PRKCE: variants seen among roughly 807,000 people sequenced by gnomAD.
PRKCE encodes the protein protein kinase C epsilon.
In PRKCE, 16 loss-of-function variants were observed where a neutral mutation model predicts 85.4. The ratio of observed to expected loss-of-function variants is 0.19; its 90% confidence interval spans 0.13 to 0.28. PRKCE has a LOEUF of 0.28. PRKCE is among the 10% of genes least tolerant of loss of function. The probability of loss-of-function intolerance (pLI) is 1.00; values close to 1 mark genes in which losing one functional copy is unlikely to be tolerated. For synonymous variants in PRKCE, 388 were observed against 371.5 expected (o/e 1.04, Z -0.51); for missense variants, 573 against 975.2 (o/e 0.59, Z 5.49).
chr2:45,678,840 T>A (rs1212736835), intron 1 of PRKCE, among the ~76,000 whole-genome samples: 1 of 152,202 alleles, frequency 6.6e-6, no homozygotes, highest in Non-Finnish European at 1.5e-5. Flanking sequence ...AATGAAGAGA[T>A]ACATACTCAT....
chr2:46,155,232 C>G lies in PRKCE; in HGVS notation c.1920+4003C>G, dbSNP rs966161067. On this transcript the variant is annotated intron_variant, in intron 13 of 14. Transcript: ENST00000306156. This position sits in a 1 kb window ranked among gnomAD's most constrained non-coding sequence, Gnocchi z 4.7. Reference sequence around the variant, plus strand: ...ATCTCGAAACATTAAATGATTATAACTAGTTCAATTAAATGATTACAACTA... The same window carrying G: ...ATCTCGAAACATTAAATGATTATAAGTAGTTCAATTAAATGATTACAACTA... Among the ~76,000 whole-genome samples the G allele has an allele frequency of 2.6e-5, 4 of 152,140 alleles. No individual in the cohort carries two copies. Among genetic ancestry groups the G allele is most frequent in the African/African-American group, 9.7e-5 (4 of 41,410 alleles).
At chr2:45,919,651 A>G (rs1698104091) in intron 2 of PRKCE, among the ~76,000 whole-genome samples, 1 of 152,252 alleles carries the variant, frequency 6.6e-6, no homozygotes, top group Admixed American at 6.5e-5. Flanking sequence ...TGAAGAGGAC[A>G]TCCCAACAGA....
intron 2 of PRKCE, among the ~76,000 whole-genome samples, chr2:45,876,196 A>T (rs1694466577): frequency 6.6e-6 from 1 of 152,188 alleles, no homozygotes; most frequent in Non-Finnish European, 1.5e-5. Context: ...ATCTTGCCTA[A>T]GTGGTTTTAA....
At chr2:45,794,222 C>T (rs543286582) in intron 1 of PRKCE, among the ~76,000 whole-genome samples, 4 of 151,984 alleles carry the variant, frequency 2.6e-5, no homozygotes, top group African/African-American at 9.7e-5. Flanking sequence ...TCTCGGATAT[C>T]GACGTTTTAA....
chr2:45,655,699 T>C (rs1225413813), intron 1 of PRKCE, among the ~76,000 whole-genome samples: 1 of 151,580 alleles, frequency 6.6e-6, no homozygotes, highest in Admixed American at 6.6e-5. Context: ...GGACCTGCGG[T>C]GTGGTGTGTG....
At chr2:45,957,888 C>A (rs186607250) in intron 2 of PRKCE, among the ~76,000 whole-genome samples, 29 of 151,108 alleles carry the variant, frequency 1.9e-4, no homozygotes, top group African/African-American at 6.1e-4. Flanking sequence ...CTAGATCCAG[C>A]CTAGGCAACA....
At chr2:46,177,765 T>G (rs1324835578) in intron 14 of PRKCE, among the ~76,000 whole-genome samples, 1 of 152,210 alleles carries the variant, frequency 6.6e-6, no homozygotes, top group African/African-American at 2.4e-5. Context: ...ATGGTAAAAT[T>G]GGATTGATAC....
chr2:46,064,056 C>T (rs558179141), intron 10 of PRKCE, among the ~76,000 whole-genome samples: 36 of 152,020 alleles, frequency 2.4e-4, no homozygotes, highest in African/African-American at 7.2e-4. Flanking sequence ...CCGAGGTGGG[C>T]GGATCACTTG....
intron 10 of PRKCE, among the ~76,000 whole-genome samples, chr2:46,022,400 G>A (rs1020442718): frequency 1.3e-5 from 2 of 152,172 alleles, no homozygotes; most frequent in Admixed American, 6.5e-5. Flanking sequence ...ATGCATGAGT[G>A]AGACAAGGAC....
chr2:45,980,913 C>G lies in PRKCE; in HGVS notation c.693+532C>G, dbSNP rs565904632. Among the ~76,000 whole-genome samples, 4 of 152,286 alleles carry G rather than the reference C, an allele frequency of 2.6e-5. No individual in the cohort carries two copies. The South Asian group carries it at 6.2e-4, about 24-fold the overall frequency. On this transcript the variant is annotated intron_variant, in intron 5 of 14. Coordinates refer to ENST00000306156, the MANE Select transcript of PRKCE (RefSeq NM_005400.3). Reference sequence around the variant, plus strand: ...ATATATTATTTAATCACATAAAAACCTTCATGAGGTAGATGTTATTATCTT... The same window carrying G: ...ATATATTATTTAATCACATAAAAACGTTCATGAGGTAGATGTTATTATCTT...
chr2:45,782,068 G>T (rs1686233768), intron 1 of PRKCE, among the ~76,000 whole-genome samples: 1 of 152,190 alleles, frequency 6.6e-6, no homozygotes, highest in Non-Finnish European at 1.5e-5. Context: ...TCTACAGAGA[G>T]AAGAAAGCTC....
At chr2:45,932,482 C>T (rs374336389) in intron 2 of PRKCE, among the ~76,000 whole-genome samples, 10 of 152,278 alleles carry the variant, frequency 6.6e-5, no homozygotes, top group African/African-American at 1.2e-4. Flanking sequence ...TAGATACTGT[C>T]GGTGTTCCAG....
chr2:45,959,681 A>C (rs923916138), intron 2 of PRKCE, among the ~76,000 whole-genome samples: 1 of 152,148 alleles, frequency 6.6e-6, no homozygotes, highest in Non-Finnish European at 1.5e-5. Context: ...AGCAGATACA[A>C]ACTTTTTGTT....
intron 1 of PRKCE, among the ~76,000 whole-genome samples, chr2:45,817,089 G>A (rs1689117515): frequency 6.6e-6 from 1 of 151,186 alleles, no homozygotes; most frequent in Admixed American, 6.6e-5. Flanking sequence ...GTGTGTGTGT[G>A]TGTGTGTGTG....
rs80276655 is a variant in PRKCE at position 45,782,967 on chromosome 2, A to G, written c.349-60033A>G. Among the ~76,000 whole-genome samples, 972 of 152,166 alleles carry G rather than the reference A, an allele frequency of 6.4e-3. 5 individuals are homozygous for G. The highest frequency in any genetic ancestry group is 0.011 in the Non-Finnish European group (720 of 67,992). On this transcript the variant is annotated intron_variant, in intron 1 of 14. Coordinates refer to ENST00000306156, the MANE Select transcript of PRKCE (RefSeq NM_005400.3). ...CCTACTCAGGTACTTCCTCTATATT[A>G]TTTCATTACTTTTTTGTCCTGATGA...
At chr2:45,768,856 C>T (rs985062227) in intron 1 of PRKCE, among the ~76,000 whole-genome samples, 1 of 152,208 alleles carries the variant, frequency 6.6e-6, no homozygotes, top group Non-Finnish European at 1.5e-5. Context: ...TGTTGTGTCT[C>T]CACCTTGCAG....
chr2:45,695,001 C>T (rs1296964634), intron 1 of PRKCE, among the ~76,000 whole-genome samples: 1 of 152,170 alleles, frequency 6.6e-6, no homozygotes, highest in African/African-American at 2.4e-5. Flanking sequence ...AAAGAGCCAA[C>T]TGCCTCATGT....
In PRKCE at chr2:45,897,544, A is replaced by G. The variant is rs897219144; in HGVS notation, c.412+54481A>G. On this transcript the variant is annotated intron_variant, in intron 2 of 14. Coordinates refer to ENST00000306156, the MANE Select transcript of PRKCE (RefSeq NM_005400.3). ...AGTTAGTGTTACAGAACAGAATGCA[A>G]TTGAGTATCTTTAGTGGGGTAAAAG... Among the ~76,000 whole-genome samples, 8 of 152,214 alleles carry G rather than the reference A, an allele frequency of 5.3e-5. No homozygotes were observed. In the East Asian group the frequency reaches 5.8e-4, roughly 11 times the overall value.
intron 14 of PRKCE, among the ~76,000 whole-genome samples, chr2:46,170,945 C>T (rs1301057405): frequency 6.6e-6 from 1 of 152,120 alleles, no homozygotes; most frequent in South Asian, 2.1e-4. Context: ...CTTTGGATAC[C>T]AAAAATGTCC....
Sources: gnomAD v4.1 joint callset for allele counts (sites outside exome capture counted in the v4.1 genomes callset) on GRCh38, gnomAD v4.1.1 for gene constraint, Gnocchi (gnomAD v3.1) non-coding constraint, MANE v1.5 for transcripts, NCBI Gene and HGNC (gene_info 2026-07-23, HGNC 2026-07-21) for gene names.